SENP3: variants seen among roughly 807,000 people sequenced by gnomAD.
SENP3 encodes the protein sentrin-specific protease 3.
In SENP3, 11 loss-of-function variants were observed where a neutral mutation model predicts 66.2. The observed-to-expected ratio is 0.17, with a 90% confidence interval of 0.10 to 0.28. SENP3 has a LOEUF of 0.28. Among genes scored for constraint, SENP3 ranks in the 10% least tolerant of loss-of-function variants. The pLI is 1.00. For synonymous variants in SENP3, 292 were observed against 277.6 expected, an observed-to-expected ratio of 1.05 and a Z score of -0.52; for missense variants, 548 against 743.7, an observed-to-expected ratio of 0.74 and a Z score of 3.06.
At position 7,570,586 on chromosome 17, in the gene SENP3, G is replaced by T; in HGVS notation, c.1479+93G>T. ...AGGGTGGGCTTTGGGTCTTTGAGGGGCGACCTGGGCATGGTGTCTGCCAGC... is the reference window on the plus strand; with the variant it reads ...AGGGTGGGCTTTGGGTCTTTGAGGGTCGACCTGGGCATGGTGTCTGCCAGC... On this transcript the variant is annotated intron_variant, in intron 8 of 10. Coordinates refer to ENST00000321337, the MANE Select transcript of SENP3 (RefSeq NM_015670.6). This position sits in a 1 kb window ranked among gnomAD's most constrained non-coding sequence, Gnocchi z 5.4. The T allele has an allele frequency of 1.3e-6, 2 of 1,567,172 alleles. No homozygotes were observed. Among genetic ancestry groups the T allele is most frequent in the Non-Finnish European group, 1.7e-6 (2 of 1,152,478 alleles).
At position 7,564,689 on chromosome 17, in the gene SENP3, C is replaced by T. The variant is rs1362696250; in HGVS notation, c.780C>T (p.Ser260=). ...GGQSGPEGER[S]LAPPDASILI... is the part of the protein sequence containing the mutation. ...AATCTGGGCCAGAAGGGGAGCGCAG[C>T]TTGGCACCCCCTGATGCCAGCATCC... The change falls in exon 3 of 11, where the codon AGC becomes AGT. Residue 260 remains serine, a synonymous_variant. Coordinates refer to ENST00000321337, the MANE Select transcript of SENP3 (RefSeq NM_015670.6). The T allele has an allele frequency of 6.2e-7, 1 of 1,614,058 alleles. No homozygotes were observed. Among genetic ancestry groups the T allele is most frequent in the Non-Finnish European group, 8.5e-7 (1 of 1,179,904 alleles).
At position 7,563,638 on chromosome 17, in the gene SENP3, T is replaced by TC. The variant is rs1404440797; in HGVS notation, c.568dup (p.Arg190ProfsTer17). 3 of 1,604,940 alleles carry TC rather than the reference T, an allele frequency of 1.9e-6. No homozygotes were observed. The highest frequency in any genetic ancestry group is 1.7e-5 in the Admixed American group (1 of 58,332). Reference sequence around the variant, plus strand: ...GCCATCCCCCTGTTGTCGTTTTGACTCCCCCCGGGGGCCACCTCCACCCCG... The same window carrying TC: ...GCCATCCCCCTGTTGTCGTTTTGACTCCCCCCCGGGGGCCACCTCCACCCCG... On this transcript the variant is annotated frameshift_variant, in exon 2 of 11. Coordinates refer to ENST00000321337, the MANE Select transcript of SENP3 (RefSeq NM_015670.6). LOFTEE classifies it high-confidence loss of function.
rs541573996 is a variant in SENP3 at position 7,571,644 on chromosome 17, G to A, written c.*161G>A. 573 of 556,820 alleles carry A rather than the reference G, an allele frequency of 1.0e-3. 1 individual carries two copies. The highest frequency in any genetic ancestry group is 1.7e-3 in the Non-Finnish European group (534 of 313,844). The allele number at this position is 556,820 out of a possible 1,614,324, so 34.5% of individuals were successfully genotyped here. On this transcript the variant is annotated 3_prime_UTR_variant, in exon 11 of 11. Coordinates refer to ENST00000321337, the MANE Select transcript of SENP3 (RefSeq NM_015670.6). ...TTTCTGTATTTTTTTTTCTTTGAGA[G>A]AATACTTGTTGATTTCTGATGTGCA... is the stretch of plus-strand genomic sequence containing the variant.
rs1450538666 is a variant in SENP3, at chr17:7,565,710, T to C, written c.1216-7T>C. 1.2e-6 allele frequency: 2 copies of C among 1,613,908 alleles called. No individual in the cohort carries two copies. Among genetic ancestry groups the C allele is most frequent in the South Asian group, 1.1e-5 (1 of 91,080 alleles). ...CCATGGCAAGCTGCCTCCCATCTTCTCCCCAGGTGATGAACATGTATGGAG... is the reference window on the plus strand; with the variant it reads ...CCATGGCAAGCTGCCTCCCATCTTCCCCCCAGGTGATGAACATGTATGGAG... On this transcript the variant is annotated splice_region_variant and splice_polypyrimidine_tract_variant and intron_variant, in intron 5 of 10. Transcript: ENST00000321337.
Position 7,570,813 on chromosome 17 carries a change from G to T in SENP3, c.1563+49G>T. Reference sequence around the variant, plus strand: ...TAGGGTGTTGGTGGGGACAGTGGTAGAAGGCAGAAATTGAAGTCCTACCCC... The same window carrying T: ...TAGGGTGTTGGTGGGGACAGTGGTATAAGGCAGAAATTGAAGTCCTACCCC... On this transcript the variant is annotated intron_variant, in intron 9 of 10. Transcript: ENST00000321337. This position sits in a 1 kb window ranked among gnomAD's most constrained non-coding sequence, Gnocchi z 5.4. The T allele has an allele frequency of 6.2e-7, 1 of 1,602,786 alleles. No homozygotes were observed. Among genetic ancestry groups the T allele is most frequent in the Non-Finnish European group, 8.5e-7 (1 of 1,173,706 alleles).
chr17:7,564,214 G>A lies in SENP3; in HGVS notation c.716-411G>A, dbSNP rs976213770. The A allele has an allele frequency of 5.0e-5, 20 of 399,080 alleles. 1 individual carries two copies. The highest frequency in any genetic ancestry group is 9.0e-5 in the Non-Finnish European group (19 of 212,270). 24.7% of individuals were successfully genotyped at this position (399,080 alleles called of 1,614,324 possible). On this transcript the variant is annotated intron_variant, in intron 2 of 10. Transcript: ENST00000321337. ...GTGGAGTACATCATCTTACAGTTGT[G>A]AAAGAATATTTCCCTTTCGGAGAAC...
At chr17:7,568,510 AC>A (rs2071285361) in intron 7 of SENP3, among the ~76,000 whole-genome samples, 2 of 151,786 alleles carry the variant, frequency 1.3e-5, no homozygotes, top group Admixed American at 1.3e-4. Flanking sequence ...AATCGCTTGA[AC>A]CCGGGAGGCA....
Position 7,563,486 on chromosome 17 carries a change from T to G in SENP3, c.410T>G (p.Leu137Arg). 6.7e-7 allele frequency: 1 copy of G among 1,500,200 alleles called. No homozygotes were observed. The highest frequency in any genetic ancestry group is 9.0e-7 in the Non-Finnish European group (1 of 1,116,998). 92.9% of individuals were successfully genotyped at this position (1,500,200 alleles called of 1,614,324 possible). ...GCCATGAGAGCCTTCCGGATGCTGC[T>G]CTACTCAAAAAGCACCTCGCTGACA... ...RRAMRAFRML[L>R]YSKSTSLTFH... is the part of the protein sequence containing the mutation. The change falls in exon 2 of 11, where the codon CTC becomes CGC. Residue 137 changes from leucine to arginine, a missense_variant. Coordinates refer to ENST00000321337, the MANE Select transcript of SENP3 (RefSeq NM_015670.6).
At chr17:7,571,310 T>C in intron 10 of SENP3, 63 bp from the exon 11 acceptor site, 2 of 1,226,792 alleles carry the variant, frequency 1.6e-6, no homozygotes, top group African/African-American at 1.5e-5. Flanking sequence ...ACATCTCATA[T>C]GAAATGTGTA....
intron 10 of SENP3, 93 bp from the exon 11 acceptor site, chr17:7,571,280 G>T (rs929793239): frequency 2.1e-6 from 2 of 953,042 alleles, no homozygotes; most frequent in East Asian, 2.5e-5. Flanking sequence ...CTTTGGGGAT[G>T]TTCTCTGAAG....
Position 7,563,316 on chromosome 17 carries a change from A to G in SENP3, c.240A>G (p.Glu80=), listed in dbSNP as rs2071237519. The G allele has an allele frequency of 1.9e-6, 3 of 1,552,704 alleles. No homozygotes were observed. The highest frequency in any genetic ancestry group is 2.6e-6 in the Non-Finnish European group (3 of 1,147,404). ...FDASASEEEE[E]EEEEEDEDEE... is the part of the protein sequence containing the mutation. Reference sequence around the variant, plus strand: ...CCTCAGCAAGTGAAGAGGAGGAAGAAGAGGAGGAGGAGGAGGATGAAGATG... The same window carrying G: ...CCTCAGCAAGTGAAGAGGAGGAAGAGGAGGAGGAGGAGGAGGATGAAGATG... The change falls in exon 2 of 11, where the codon GAA becomes GAG. Residue 80 remains glutamate (E), a synonymous_variant. Transcript: ENST00000321337.
At chr17:7,566,430 T>G (rs1247554437) in intron 6 of SENP3, among the ~76,000 whole-genome samples, 1 of 149,788 alleles carries the variant, frequency 6.7e-6, no homozygotes, top group Non-Finnish European at 1.5e-5. Flanking sequence ...CCAAGGCGGG[T>G]GGATCACCCG....
At position 7,564,784 on chromosome 17, in the gene SENP3, T is replaced by C; in HGVS notation, c.875T>C (p.Met292Thr). Reference sequence around the variant, plus strand: ...CTTTTTCAGGGCTCAGATTTGGGCATGGCAGAAGAGGCAGAGAGGCCTGGG... The same window carrying C: ...CTTTTTCAGGGCTCAGATTTGGGCACGGCAGAAGAGGCAGAGAGGCCTGGG... ...QELFQGSDLG[M>T]AEEAERPGEK... Residue 292 changes from methionine (M) to threonine (T), a missense_variant, in exon 3 of 11, where the codon ATG (methionine) becomes ACG (threonine). Transcript: ENST00000321337. The C allele has an allele frequency of 6.2e-7, 1 of 1,613,990 alleles. No homozygotes were observed. The highest frequency in any genetic ancestry group is 8.5e-7 in the Non-Finnish European group (1 of 1,179,884).
In SENP3 at chr17:7,571,513, A is replaced by C; in HGVS notation, c.*30A>C. The C allele has an allele frequency of 1.3e-6, 2 of 1,522,446 alleles. No individual in the cohort carries two copies. Among genetic ancestry groups the C allele is most frequent in the Non-Finnish European group, 9.1e-7 (1 of 1,098,464 alleles). 94.3% of individuals were successfully genotyped at this position (1,522,446 alleles called of 1,614,324 possible). A position where few individuals can be genotyped will look rare whatever the true frequency, so the allele number is the denominator to read the frequency against. On this transcript the variant is annotated 3_prime_UTR_variant, in exon 11 of 11. Transcript: ENST00000321337. ...CGTACCCCAGACCCCAAGCCCATAA[A>C]TGGGAAGGGAGACATGGGAGTCCCT...
rs889569037 is a variant in SENP3 at position 7,562,955 on chromosome 17, C to A, written c.-11-111C>A. The A allele has an allele frequency of 9.9e-6, 13 of 1,308,588 alleles. No individual in the cohort carries two copies. Among genetic ancestry groups the A allele is most frequent in the Non-Finnish European group, 1.1e-5 (11 of 1,029,300 alleles). The allele number at this position is 1,308,588 out of a possible 1,614,324, so 81.1% of individuals were successfully genotyped here. On this transcript the variant is annotated intron_variant, in intron 1 of 10. Transcript: ENST00000321337. This position sits in a 1 kb window ranked among gnomAD's most constrained non-coding sequence, Gnocchi z 5.0. ...TTAAGTTAGGAGTTTTGCGTTTTTT[C>A]CTCTTTTCTTTATTTGCATCTGAAT... is the stretch of plus-strand genomic sequence containing the variant.
At position 7,565,010 on chromosome 17, in the gene SENP3, C is replaced by T; in HGVS notation, c.1007C>T (p.Thr336Ile). ...TATGGCAGCCTCATACCCCTCAGCACTGATGAGGTAGTAGAGAAGCTGGAG... is the reference window on the plus strand; with the variant it reads ...TATGGCAGCCTCATACCCCTCAGCATTGATGAGGTAGTAGAGAAGCTGGAG... ...QTYGSLIPLS[T>I]DEVVEKLEDI... The change falls in exon 4 of 11, where the codon ACT becomes ATT. Residue 336 changes from threonine (T) to isoleucine (I), a missense_variant. By Grantham distance (89) the Thr-to-Ile change is moderately conservative. Coordinates refer to ENST00000321337, the MANE Select transcript of SENP3 (RefSeq NM_015670.6). 1 of 1,613,812 alleles carries T rather than the reference C, an allele frequency of 6.2e-7. No individual in the cohort carries two copies. The highest frequency in any genetic ancestry group is 8.5e-7 in the Non-Finnish European group (1 of 1,179,688).
chr17:7,564,621 A>C lies in SENP3; in HGVS notation c.716-4A>C. 2 of 1,613,894 alleles carry C rather than the reference A, an allele frequency of 1.2e-6. No individual in the cohort carries two copies. Among genetic ancestry groups the C allele is most frequent in the Non-Finnish European group, 1.7e-6 (2 of 1,179,858 alleles). On this transcript the variant is annotated splice_region_variant and splice_polypyrimidine_tract_variant and intron_variant, in intron 2 of 10. Transcript: ENST00000321337. ...ATGCCCATTCCATTTCCCCTGCCCT[A>C]TAGGCCTCCTTTCATGTACTCTGCC... is the stretch of plus-strand genomic sequence containing the variant.
chr17:7,566,046 A>G (rs1324437398), intron 6 of SENP3: 4 of 303,772 alleles, frequency 1.3e-5, no homozygotes, highest in African/African-American at 2.2e-5. Context: ...AAAAAAAAAG[A>G]AAAAGAAAAA....
In SENP3 at chr17:7,561,951, T is replaced by TGGGCCCG; in HGVS notation, c.-319_-313dup. ...ACTAATCGTGCGCCACCGCTGCCGGTGGGCCCGGGGCTCGCGGGAGGGGAA... is the reference window on the plus strand; with the variant it reads ...ACTAATCGTGCGCCACCGCTGCCGGTGGGCCCGGGGCCCGGGGCTCGCGGGAGGGGAA... On this transcript the variant is annotated 5_prime_UTR_variant, in exon 1 of 11. Transcript: ENST00000321337. The surrounding 1 kb of genome is among the most constrained non-coding windows in gnomAD (Gnocchi z 4.4). The TGGGCCCG allele has an allele frequency of 2.6e-6, 1 of 388,512 alleles. No individual in the cohort carries two copies. The highest frequency in any genetic ancestry group is 4.5e-6 in the Non-Finnish European group (1 of 219,880). The allele number at this position is 388,512 out of a possible 1,614,324, so 24.1% of individuals were successfully genotyped here.
Sources: allele counts gnomAD v4.1 joint callset (sites outside exome capture counted in the v4.1 genomes callset), GRCh38; gene constraint gnomAD v4.1.1; non-coding constraint Gnocchi (gnomAD v3.1); transcripts MANE v1.5; gene names NCBI Gene and HGNC (gene_info 2026-07-23, HGNC 2026-07-21).